DIPK1A: variants seen among roughly 807,000 people sequenced by gnomAD.
DIPK1A encodes divergent protein kinase domain 1A.
DIPK1A carries 27 observed loss-of-function variants against 40.8 expected under a neutral mutation model. That is an observed-to-expected ratio of 0.66 (90% CI 0.49 to 0.91). The LOEUF is 0.91. Among genes scored for constraint, DIPK1A ranks in the 40% least tolerant of loss-of-function variants. The pLI, the probability that DIPK1A is intolerant of heterozygous loss-of-function variation, is 0.00. For missense variants in DIPK1A, 412 were observed against 505.7 expected, an observed-to-expected ratio of 0.81 and a Z score of 1.78; for synonymous variants, 166 against 171.3, an observed-to-expected ratio of 0.97 and a Z score of 0.24.
chr1:92,930,678 T>C (rs1650709598), intron 1 of DIPK1A: 1 of 152,226 alleles, frequency 6.6e-6, no homozygotes, highest in Non-Finnish European at 1.5e-5. Flanking sequence ...TTTTTGTAGT[T>C]CTCTGTTCAT....
intron 1 of DIPK1A, among the ~76,000 whole-genome samples, chr1:92,947,833 G>A (rs1651433412): frequency 6.6e-6 from 1 of 152,110 alleles, no homozygotes; most frequent in Non-Finnish European, 1.5e-5. Context: ...ACTCATATGT[G>A]GAAACTAAAA....
intron 1 of DIPK1A, chr1:92,877,171 G>A (rs1010587990): frequency 2.0e-6 from 2 of 983,478 alleles, no homozygotes; most frequent in African/African-American, 3.5e-5. Context: ...CAGTGCTCTT[G>A]TATCTAATTG....
At chr1:92,893,357 TAAAGA>T in intron 1 of DIPK1A, among the ~76,000 whole-genome samples, 1 of 151,788 alleles carries the variant, frequency 6.6e-6, no homozygotes, top group East Asian at 1.9e-4. Context: ...TCAACATGCT[TAAAGA>T]AAAGAATTTT....
At chr1:92,956,417 G>A (rs1477956484) in intron 1 of DIPK1A, among the ~76,000 whole-genome samples, 1 of 152,168 alleles carries the variant, frequency 6.6e-6, no homozygotes, top group African/African-American at 2.4e-5. Flanking sequence ...TTAAATTTCA[G>A]GCAAAGGCAA....
In DIPK1A at chr1:92,842,843, G is replaced by T; in HGVS notation, c.*540C>A. On this transcript the variant is annotated 3_prime_UTR_variant, in exon 5 of 5. Transcript: ENST00000370310. ...GCTACACATAACTTGATGTCTGAATGAGGTTAAAAATGGGTGTATAAGTCT... is the reference window on the plus strand; with the variant it reads ...GCTACACATAACTTGATGTCTGAATTAGGTTAAAAATGGGTGTATAAGTCT... 1 of 985,484 alleles carries T rather than the reference G, an allele frequency of 1.0e-6. No individual in the cohort carries two copies. Among genetic ancestry groups the T allele is most frequent in the Non-Finnish European group, 1.2e-6 (1 of 829,980 alleles). The allele number at this position is 985,484 out of a possible 1,614,324, so 61.0% of individuals were successfully genotyped here. A position where few individuals can be genotyped will look rare whatever the true frequency, so the allele number is the denominator to read the frequency against.
chr1:92,886,329 T>TA (rs993608467), intron 1 of DIPK1A, among the ~76,000 whole-genome samples: 7 of 148,910 alleles, frequency 4.7e-5, no homozygotes, highest in African/African-American at 9.9e-5. Flanking sequence ...TGACCCTGTC[T>TA]AAAAAAAAAA....
At chr1:92,959,302 GAATA>G (rs1219239468) in intron 1 of DIPK1A, among the ~76,000 whole-genome samples, 1 of 151,670 alleles carries the variant, frequency 6.6e-6, no homozygotes, top group Non-Finnish European at 1.5e-5. Flanking sequence ...ATAAATAAAT[GAATA>G]AATAAATAAA....
intron 2 of DIPK1A, among the ~76,000 whole-genome samples, chr1:92,863,632 G>A (rs1647392205): frequency 6.6e-6 from 1 of 151,272 alleles, no homozygotes; most frequent in Non-Finnish European, 1.5e-5. Context: ...TTAGAATAGG[G>A]TTTATGTGTG....
chr1:92,876,212 A>G, intron 2 of DIPK1A, 84 bp downstream of exon 2: 1 of 856,858 alleles, frequency 1.2e-6, no homozygotes. Context: ...TTTTATTTTT[A>G]AAAACATCAT....
chr1:92,906,569 A>G (rs1489761557), intron 1 of DIPK1A, among the ~76,000 whole-genome samples: 1 of 152,198 alleles, frequency 6.6e-6, no homozygotes, highest in East Asian at 1.9e-4. Flanking sequence ...ATTCCTATTT[A>G]TATAAGTATG....
At chr1:92,917,960 G>C (rs1650119586) in intron 1 of DIPK1A, among the ~76,000 whole-genome samples, 1 of 151,744 alleles carries the variant, frequency 6.6e-6, no homozygotes, top group African/African-American at 2.4e-5. Context: ...TAAACAATAA[G>C]GCAAACTGAA....
At chr1:92,868,318 A>C (rs749382808) in intron 2 of DIPK1A, among the ~76,000 whole-genome samples, 1 of 152,214 alleles carries the variant, frequency 6.6e-6, no homozygotes, top group Non-Finnish European at 1.5e-5. Flanking sequence ...TGTACCACTA[A>C]TATCTAACAT....
chr1:92,904,728 G>A (rs911930616), intron 1 of DIPK1A, among the ~76,000 whole-genome samples: 3 of 151,460 alleles, frequency 2.0e-5, no homozygotes, highest in Non-Finnish European at 4.4e-5. Flanking sequence ...TATAATTACT[G>A]TTGTGCTAAC....
chr1:92,943,761 G>A (rs1014202740), intron 1 of DIPK1A, among the ~76,000 whole-genome samples: 1 of 152,164 alleles, frequency 6.6e-6, no homozygotes, highest in African/African-American at 2.4e-5. Flanking sequence ...CATCCATTCC[G>A]GTGATAGGTC....
intron 1 of DIPK1A, among the ~76,000 whole-genome samples, chr1:92,889,528 T>C (rs1648762277): frequency 6.6e-6 from 1 of 152,242 alleles, no homozygotes; most frequent in South Asian, 2.1e-4. Context: ...TATATTTCAG[T>C]GAATAATGTC....
intron 1 of DIPK1A, among the ~76,000 whole-genome samples, chr1:92,878,820 A>AAAACAAACAAAC (rs113474701): frequency 4.0e-4 from 59 of 145,898 alleles, no homozygotes; most frequent in South Asian, 1.8e-3. Context: ...CTCTGTCTCA[A>AAAACAAACAAAC]AAACAAACAA....
intron 1 of DIPK1A, among the ~76,000 whole-genome samples, chr1:92,936,910 C>T (rs1650967332): frequency 6.6e-6 from 1 of 152,128 alleles, no homozygotes; most frequent in Non-Finnish European, 1.5e-5. Context: ...ACTGTGAATT[C>T]ACAAAGATAT....
chr1:92,953,117 T>A (rs1345759069), intron 1 of DIPK1A, among the ~76,000 whole-genome samples: 1 of 151,894 alleles, frequency 6.6e-6, no homozygotes, highest in East Asian at 1.9e-4. Context: ...AGGAACTTTC[T>A]CCAAAGAAGA....
At chr1:92,894,541 A>G (rs1389317613) in intron 1 of DIPK1A, among the ~76,000 whole-genome samples, 1 of 152,120 alleles carries the variant, frequency 6.6e-6, no homozygotes, top group East Asian at 1.9e-4. Flanking sequence ...AATGCCCACA[A>G]GAGAAAGCAG....
Sources: allele counts gnomAD v4.1 joint callset (sites outside exome capture counted in the v4.1 genomes callset), GRCh38; gene constraint gnomAD v4.1.1; transcripts MANE v1.5; gene names NCBI Gene and HGNC (gene_info 2026-07-23, HGNC 2026-07-21).